The following TTC29 variants were observed in gnomAD, a reference collection of about 807,000 sequenced individuals.
The protein encoded by TTC29 is tetratricopeptide repeat domain 29, also known as tetratricopeptide repeat protein 29.
Under a neutral mutation model 58.1 loss-of-function variants are expected in TTC29, and 49 were observed. That is an observed-to-expected ratio of 0.84 (90% CI 0.67 to 1.07). TTC29 has a LOEUF of 1.07. Ranked by LOEUF, TTC29 falls within the 50% of genes least tolerant of loss-of-function variation. The probability of loss-of-function intolerance (pLI) is 0.00; values close to 1 mark genes in which losing one functional copy is unlikely to be tolerated. For synonymous variants in TTC29, 209 were observed against 196.8 expected (o/e 1.06, Z -0.52); for missense variants, 582 against 555.6 (o/e 1.05, Z -0.48).
intron 11 of TTC29, among the ~76,000 whole-genome samples, chr4:146,787,860 CCCT>C (rs910037482): frequency 1.3e-5 from 2 of 151,046 alleles, no homozygotes; most frequent in Non-Finnish European, 2.9e-5. Context: ...TCCCTCCTTC[CCCT>C]CCTCCTGTCG....
chr4:146,874,701 T>C lies in TTC29; in HGVS notation c.799+15A>G, dbSNP rs374182801. ...CATTAAAGAAAGCAATGTGAGAGAG[T>C]TCTTTTCCACCCACCTTCTTTGGCT... On this transcript the variant is annotated intron_variant, in intron 7 of 12. Coordinates refer to ENST00000325106, the MANE Select transcript of TTC29 (RefSeq NM_031956.4). 3 of 1,580,418 alleles carry C rather than the reference T, an allele frequency of 1.9e-6. No individual in the cohort carries two copies. Among genetic ancestry groups the C allele is most frequent in the Non-Finnish European group, 2.6e-6 (3 of 1,159,980 alleles).
chr4:146,920,435 G>C (rs555903942), intron 4 of TTC29, among the ~76,000 whole-genome samples: 2 of 150,786 alleles, frequency 1.3e-5, no homozygotes, highest in African/African-American at 4.8e-5. Flanking sequence ...GTTTTTAAGA[G>C]AAATATAACG....
intron 11 of TTC29, among the ~76,000 whole-genome samples, chr4:146,784,991 T>A (rs1017650664): frequency 8.5e-5 from 13 of 152,212 alleles, no homozygotes; most frequent in African/African-American, 3.1e-4. Flanking sequence ...TGTGATATAG[T>A]AAGAGGCTAT....
intron 4 of TTC29, among the ~76,000 whole-genome samples, chr4:146,913,855 C>A (rs952580220): frequency 6.6e-6 from 1 of 152,118 alleles, no homozygotes; most frequent in Non-Finnish European, 1.5e-5. Context: ...TGCCTTTCAG[C>A]TTCAAACATC....
chr4:146,898,946 T>A (rs1732955597), intron 6 of TTC29, among the ~76,000 whole-genome samples: 1 of 152,214 alleles, frequency 6.6e-6, no homozygotes, highest in Non-Finnish European at 1.5e-5. Context: ...GTCTCAGTGC[T>A]TAAGTCCATG....
intron 4 of TTC29, among the ~76,000 whole-genome samples, chr4:146,929,327 G>A (rs1246514437): frequency 6.6e-6 from 1 of 151,916 alleles, no homozygotes; most frequent in Admixed American, 6.6e-5. Context: ...ACTGAAAAGG[G>A]TGGCTGCAGG....
At chr4:146,840,818 G>C (rs1422522951) in intron 8 of TTC29, among the ~76,000 whole-genome samples, 1 of 152,042 alleles carries the variant, frequency 6.6e-6, no homozygotes, top group Non-Finnish European at 1.5e-5. Flanking sequence ...TATTTTAAAG[G>C]AATAATAGAA....
intron 6 of TTC29, among the ~76,000 whole-genome samples, chr4:146,881,494 T>C (rs1023452675): frequency 1.3e-5 from 2 of 152,128 alleles, no homozygotes; most frequent in African/African-American, 4.8e-5. Context: ...TGGACATCTT[T>C]GGTGTAAATT....
chr4:146,892,565 A>G (rs1732449849), intron 6 of TTC29, among the ~76,000 whole-genome samples: 1 of 152,186 alleles, frequency 6.6e-6, no homozygotes, highest in Non-Finnish European at 1.5e-5. Context: ...TGACAAACCC[A>G]CAGCCAGTAT....
intron 10 of TTC29, among the ~76,000 whole-genome samples, chr4:146,817,921 C>T (rs1476375415): frequency 6.6e-6 from 1 of 152,184 alleles, no homozygotes; most frequent in East Asian, 1.9e-4. Context: ...ACACCTTACA[C>T]AAAAATTAAT....
chr4:146,712,976 C>T (rs1742620984), intron 11 of TTC29, among the ~76,000 whole-genome samples: 1 of 152,034 alleles, frequency 6.6e-6, no homozygotes, highest in Admixed American at 6.6e-5. Context: ...AACTCTCCAC[C>T]TTCCTAACCT....
intron 7 of TTC29, among the ~76,000 whole-genome samples, chr4:146,874,163 G>A (rs1731106462): frequency 6.6e-6 from 1 of 152,050 alleles, no homozygotes; most frequent in African/African-American, 2.4e-5. Context: ...GCTAACCTGA[G>A]GATCCTGCTG....
At chr4:146,726,008 G>A (rs1045524947) in intron 11 of TTC29, among the ~76,000 whole-genome samples, 3 of 151,952 alleles carry the variant, frequency 2.0e-5, no homozygotes, top group Non-Finnish European at 2.9e-5. Context: ...AAATAATTAG[G>A]ACTATTGATG....
Position 146,874,808 on chromosome 4 carries a change from G to A in TTC29, c.707C>T (p.Thr236Ile), listed in dbSNP as rs750229435. 3 of 1,612,782 alleles carry A rather than the reference G, an allele frequency of 1.9e-6. No individual in the cohort carries two copies. The highest frequency in any genetic ancestry group is 1.7e-6 in the Non-Finnish European group (2 of 1,179,476). ...CATTTTGTCTGAGAGTAATCTGTAA[G>A]TCCTCAGGAGACTCTCACAGGCCAA... ...NLLACESLLR[T>I]YRLLSDKMLE... The change falls in exon 7 of 13, where the codon ACT (threonine) becomes ATT (isoleucine). Residue 236 changes from threonine (T) to isoleucine (I), a missense_variant. Coordinates refer to ENST00000325106, the MANE Select transcript of TTC29 (RefSeq NM_031956.4).
At chr4:146,886,836 C>T (rs554050771) in intron 6 of TTC29, among the ~76,000 whole-genome samples, 11 of 152,074 alleles carry the variant, frequency 7.2e-5, no homozygotes, top group Non-Finnish European at 1.2e-4. Context: ...CACAGGTTTC[C>T]ATCCCGGCTC....
intron 11 of TTC29, among the ~76,000 whole-genome samples, chr4:146,711,264 A>C (rs1742472829): frequency 6.6e-6 from 1 of 152,154 alleles, no homozygotes; most frequent in Admixed American, 6.6e-5. Context: ...CACTATAAGC[A>C]GCAAACACAG....
chr4:146,714,509 A>C (rs1742773859), intron 11 of TTC29, among the ~76,000 whole-genome samples: 1 of 151,994 alleles, frequency 6.6e-6, no homozygotes, highest in South Asian at 2.1e-4. Flanking sequence ...TTGGGCAGAA[A>C]ATTTTCTAAA....
At chr4:146,736,618 C>T (rs1744726032) in intron 11 of TTC29, among the ~76,000 whole-genome samples, 1 of 152,136 alleles carries the variant, frequency 6.6e-6, no homozygotes, top group Non-Finnish European at 1.5e-5. Context: ...CCAGCAACGA[C>T]TACTGAGACT....
chr4:146,884,712 C>T (rs574538918), intron 6 of TTC29, among the ~76,000 whole-genome samples: 4 of 152,052 alleles, frequency 2.6e-5, no homozygotes, highest in African/African-American at 4.8e-5. Context: ...AAAGGTGTAA[C>T]GAGACTGGAA....
Sources: gnomAD v4.1 joint callset for allele counts (sites outside exome capture counted in the v4.1 genomes callset) on GRCh38, gnomAD v4.1.1 for gene constraint, MANE v1.5 for transcripts, NCBI Gene and HGNC (gene_info 2026-07-23, HGNC 2026-07-21) for gene names.